PHEX: variants seen among roughly 807,000 people sequenced by gnomAD.
PHEX encodes phosphate-regulating neutral endopeptidase PHEX.
A neutral mutation model predicts 68.0 loss-of-function variants in PHEX; 16 were observed. That is an observed-to-expected ratio of 0.24 (90% CI 0.16 to 0.36). The LOEUF (loss-of-function observed/expected upper bound fraction) is 0.36. PHEX is among the 10% of genes least tolerant of loss of function. The pLI is 1.00. For synonymous variants in PHEX, 208 were observed against 205.1 expected (o/e 1.01, Z -0.12); for missense variants, 480 against 575.5 (o/e 0.83, Z 1.70).
chrX:22,089,866 T>G (rs1284956566), intron 5 of PHEX, among the ~76,000 whole-genome samples: 2 of 112,484 alleles, frequency 1.8e-5, no homozygotes, highest in Non-Finnish European at 3.8e-5. Flanking sequence ...CGAAGGTTTC[T>G]CAAAACAAAA....
chrX:22,127,917 A>G (rs1306033693), intron 11 of PHEX, among the ~76,000 whole-genome samples: 1 of 111,736 alleles, frequency 8.9e-6, no homozygotes, highest in Non-Finnish European at 1.9e-5. Flanking sequence ...GTGGAAGAAA[A>G]GGCAGAGGAG....
In PHEX at chrX:22,198,144, T is replaced by A. The variant is rs766703642; in HGVS notation, c.1645+7642T>A. On this transcript the variant is annotated intron_variant, in intron 15 of 21. Transcript: ENST00000379374. ...TACATATAATATATTATATAATATT[T>A]ATATAATATATATCAATATGTAATA... 4.3e-4 allele frequency among the ~76,000 whole-genome samples: 45 copies of A among 104,580 alleles called. No homozygotes were observed. The East Asian group carries it at 0.012, about 28-fold the overall frequency. 90.8% of individuals were successfully genotyped at this position (104,580 alleles called of 115,157 possible).
At chrX:22,041,261 CTCTCTATATATA>C (rs1187507398) in intron 2 of PHEX, among the ~76,000 whole-genome samples, 65 of 65,497 alleles carry the variant, frequency 9.9e-4, no homozygotes, top group Admixed American at 2.1e-3. Context: ...CTCTCTCTCT[CTCTCTATATATA>C]TATATATATA....
At position 22,141,403 on chromosome X, in the gene PHEX, A is replaced by G. The variant is rs1166709480; in HGVS notation, c.1404+7779A>G. Among the ~76,000 whole-genome samples, 11 of 111,989 alleles carry G rather than the reference A, an allele frequency of 9.8e-5. No individual in the cohort carries two copies. The Admixed American group carries it at 1.0e-3, about 11-fold the overall frequency. ...AATATTATTACTGCCTTTGTCTTGC[A>G]TACAAATTATATTAAGAAATCCAAA... is the stretch of plus-strand genomic sequence containing the variant. On this transcript the variant is annotated intron_variant, in intron 12 of 21. Transcript: ENST00000379374.
At chrX:22,240,684 G>C (rs190353447) in intron 20 of PHEX, among the ~76,000 whole-genome samples, 70 of 111,982 alleles carry the variant, frequency 6.3e-4, no homozygotes, top group African/African-American at 2.0e-3. Flanking sequence ...TAATGGTAAA[G>C]GGGTCAATGC....
intron 13 of PHEX, among the ~76,000 whole-genome samples, chrX:22,177,082 G>T (rs1933734129): frequency 9.0e-6 from 1 of 110,891 alleles, no homozygotes; most frequent in African/African-American, 3.3e-5. Context: ...TGGAAAGATT[G>T]TTAAGATGAC....
At chrX:22,209,501 G>GTT (rs758564770) in intron 15 of PHEX, among the ~76,000 whole-genome samples, 3,375 of 100,753 alleles carry the variant, frequency 0.033, 138 homozygotes, top group African/African-American at 0.11. Flanking sequence ...ATAGTTACTC[G>GTT]TTTTTTTTTT....
chrX:22,074,478 G>C (rs910608418), intron 3 of PHEX, among the ~76,000 whole-genome samples: 5 of 110,547 alleles, frequency 4.5e-5, no homozygotes, highest in African/African-American at 1.3e-4. Flanking sequence ...CCCTGTGATA[G>C]ATAGCATGCC....
At chrX:22,090,534 GGCT>G (rs763370653) in intron 6 of PHEX, 37 bp downstream of exon 6, 1 of 1,015,534 alleles carries the variant, frequency 9.8e-7, no homozygotes, top group Non-Finnish European at 1.4e-6. Flanking sequence ...TGCCTTACCA[GGCT>G]GCTGTCAGGC....
chrX:22,226,463 G>C lies in PHEX; in HGVS notation c.1920G>C (p.Leu640=). ...AGLNVKGKRT[L]GENIADNGGL... Reference sequence around the variant, plus strand: ...GTTAGGTCAAGGGGAAGAGGACCCTGGGAGAAAATATTGCTGATAATGGAG... The same window carrying C: ...GTTAGGTCAAGGGGAAGAGGACCCTCGGAGAAAATATTGCTGATAATGGAG... Residue 640 remains leucine, a synonymous_variant, in exon 19 of 22, where the codon CTG becomes CTC. Transcript: ENST00000379374. The C allele has an allele frequency of 8.3e-7, 1 of 1,204,684 alleles. No individual in the cohort carries two copies.
At chrX:22,148,160 G>A (rs1196588761) in intron 12 of PHEX, among the ~76,000 whole-genome samples, 1 of 111,204 alleles carries the variant, frequency 9.0e-6, no homozygotes, top group Non-Finnish European at 1.9e-5. Context: ...CCCTTAGGCA[G>A]TTGCAGTCAG....
intron 12 of PHEX, among the ~76,000 whole-genome samples, chrX:22,133,853 G>T (rs763929038): frequency 1.8e-5 from 2 of 111,835 alleles, no homozygotes; most frequent in East Asian, 5.6e-4. Context: ...CTTGTAATTC[G>T]GCCTTTCCTT....
chrX:22,162,218 T>C (rs1933156188), intron 12 of PHEX, among the ~76,000 whole-genome samples: 1 of 112,254 alleles, frequency 8.9e-6, no homozygotes, highest in Admixed American at 9.4e-5. Context: ...TTTTGACTCA[T>C]ATGCAGAGTC....
chrX:22,113,427 C>T (rs1432315071), intron 10 of PHEX, among the ~76,000 whole-genome samples: 3 of 111,541 alleles, frequency 2.7e-5, no homozygotes. Flanking sequence ...CTGCCTGCAC[C>T]CCCAGCTTCC....
rs142411858 is a variant in PHEX, at chrX:22,217,440, G to T, written c.1701-1596G>T. ...ATTAAATCTTACACCACTTCCTTGGGTGTAGTTGAGACAAACAGTTAGCAT... is the reference window on the plus strand; with the variant it reads ...ATTAAATCTTACACCACTTCCTTGGTTGTAGTTGAGACAAACAGTTAGCAT... On this transcript the variant is annotated intron_variant, in intron 16 of 21. Coordinates refer to ENST00000379374, the MANE Select transcript of PHEX (RefSeq NM_000444.6). 6.5e-3 allele frequency among the ~76,000 whole-genome samples: 724 copies of T among 112,168 alleles called. 2 individuals are homozygous for T. The highest frequency in any genetic ancestry group is 0.011 in the Non-Finnish European group (568 of 53,242).
In PHEX at chrX:22,119,838, C is replaced by T. The variant is rs193092273; in HGVS notation, c.1302+5252C>T. ...TCTTGAACTCCTGACTTTAAGTGAT[C>T]TCCCTGCCTCAGCCTCCCAAGGTGC... is the stretch of plus-strand genomic sequence containing the variant. On this transcript the variant is annotated intron_variant, in intron 11 of 21. Coordinates refer to ENST00000379374, the MANE Select transcript of PHEX (RefSeq NM_000444.6). Among the ~76,000 whole-genome samples, 511 of 110,698 alleles carry T rather than the reference C, an allele frequency of 4.6e-3. 3 individuals carry two copies. Among genetic ancestry groups the T allele is most frequent in the African/African-American group, 0.016 (479 of 30,433 alleles).
rs931096386 is a variant in PHEX, at chrX:22,092,292, T to TC, written c.733-1690dup. On this transcript the variant is annotated intron_variant, in intron 6 of 21. Transcript: ENST00000379374. ...CCAGACACAGCATTATTATTTTTTT[T>TC]CTGTACCACCCTCTCCTAACATATG... Among the ~76,000 whole-genome samples, 3 of 112,132 alleles carry TC rather than the reference T, an allele frequency of 2.7e-5. No homozygotes were observed. In the Admixed American group the frequency reaches 2.8e-4, roughly 11 times the overall value.
At chrX:22,193,514 T>C (rs7055578) in intron 15 of PHEX, among the ~76,000 whole-genome samples, 1,494 of 111,969 alleles carry the variant, frequency 0.013, 21 homozygotes, top group African/African-American at 0.046. Flanking sequence ...TTTACTTGTT[T>C]CTTAGTATAA....
chrX:22,222,017 T>C (rs112177751), intron 18 of PHEX, among the ~76,000 whole-genome samples: 322 of 111,998 alleles, frequency 2.9e-3, no homozygotes, highest in African/African-American at 9.6e-3. Flanking sequence ...AAATCTATTA[T>C]ACTTGTAGAT....
Sources: allele counts gnomAD v4.1 joint callset (sites outside exome capture counted in the v4.1 genomes callset), GRCh38; gene constraint gnomAD v4.1.1; transcripts MANE v1.5; gene names NCBI Gene and HGNC (gene_info 2026-07-23, HGNC 2026-07-21).